The following HESX1 variants were observed in gnomAD, a reference collection of about 807,000 sequenced individuals.
HESX1 encodes HESX homeobox 1, also known as homeobox expressed in ES cells 1.
A neutral mutation model predicts 22.5 loss-of-function variants in HESX1; 11 were observed. That is an observed-to-expected ratio of 0.49 (90% CI 0.31 to 0.81). HESX1 has a LOEUF of 0.81. Among genes scored for constraint, HESX1 ranks in the 30% least tolerant of loss-of-function variants. The probability of loss-of-function intolerance (pLI) is 0.05; values close to 1 mark genes in which losing one functional copy is unlikely to be tolerated. For missense variants in HESX1, 201 were observed against 212.6 expected (o/e 0.95, Z 0.34); for synonymous variants, 74 against 76.5 (o/e 0.97, Z 0.17).
In HESX1 at chr3:57,224,892, G is replaced by A. The variant is rs1242848777; in HGVS notation, c.-111+1404C>T. 2.6e-5 allele frequency among the ~76,000 whole-genome samples: 4 copies of A among 152,260 alleles called. No homozygotes were observed. The East Asian group carries it at 7.7e-4, about 29-fold the overall frequency. ...AATTATACGTGTGAAATGTCTCAAG[G>A]TATATATGTGAAACATCTCAAAGAA... On this transcript the variant is annotated intron_variant, in intron 1 of 2. Transcript: ENST00000495160.
intron 1 of HESX1, among the ~76,000 whole-genome samples, chr3:57,209,802 CTGTT>C (rs1342484708): frequency 3.9e-5 from 6 of 151,930 alleles, no homozygotes; most frequent in Admixed American, 3.9e-4. Flanking sequence ...CTAATAAATG[CTGTT>C]TATTTAGCAC....
intron 1 of HESX1, among the ~76,000 whole-genome samples, chr3:57,213,853 G>A (rs1419659720): frequency 2.0e-5 from 3 of 152,102 alleles, no homozygotes; most frequent in East Asian, 1.9e-4. Flanking sequence ...CCTAGGAGGC[G>A]GAGGTTGCAG....
At chr3:57,212,557 C>CAAAAA (rs56093005) in intron 1 of HESX1, among the ~76,000 whole-genome samples, 30,850 of 78,898 alleles carry the variant, frequency 0.39, 5,982 homozygotes, top group East Asian at 0.87. Context: ...GACTCTGTCT[C>CAAAAA]AAAAAAAAAA....
At chr3:57,226,802 C>G (rs3806622), upstream of HESX1, among the ~76,000 whole-genome samples, 71,664 of 151,882 alleles carry the variant, frequency 0.47, 17,488 homozygotes, top group East Asian at 0.85. Context: ...GAAGACACTA[C>G]TTACTTTGTT....
chr3:57,226,484 T>C (rs1026877313), exon 1 of HESX1: 3 of 152,080 alleles, frequency 2.0e-5, no homozygotes, highest in African/African-American at 7.2e-5. Flanking sequence ...TGATAAACAA[T>C]CTAAGGGGAA....
chr3:57,199,620 A>T, intron 1 of HESX1, 142 bp downstream of exon 1: 1 of 445,488 alleles, frequency 2.2e-6, no homozygotes, highest in Non-Finnish European at 3.3e-6. Context: ...ACTCTGTCTC[A>T]GAAAAAAAAA....
upstream of HESX1, among the ~76,000 whole-genome samples, chr3:57,201,838 A>G (rs1290288672): frequency 6.6e-6 from 1 of 151,504 alleles, no homozygotes; most frequent in Non-Finnish European, 1.5e-5. Context: ...GCTTAAATTG[A>G]TTTTCCTTGG....
chr3:57,220,149 A>C (rs895537677), intron 1 of HESX1, among the ~76,000 whole-genome samples: 4 of 152,192 alleles, frequency 2.6e-5, no homozygotes, highest in African/African-American at 4.8e-5. Context: ...AGATGGTTGC[A>C]GGTGTGCAGC....
At chr3:57,225,399 T>C (rs2060636088) in intron 1 of HESX1, among the ~76,000 whole-genome samples, 1 of 152,080 alleles carries the variant, frequency 6.6e-6, no homozygotes, top group African/African-American at 2.4e-5. Context: ...TCGCCCAGGC[T>C]GGAGTGCAGT....
At chr3:57,204,555 G>C (rs1264062129), upstream of HESX1, among the ~76,000 whole-genome samples, 1 of 152,162 alleles carries the variant, frequency 6.6e-6, no homozygotes, top group East Asian at 1.9e-4. Context: ...AGTTTGGATA[G>C]CAAGTTGCTA....
chr3:57,226,876 G>A (rs984824867), upstream of HESX1, among the ~76,000 whole-genome samples: 1 of 152,206 alleles, frequency 6.6e-6, no homozygotes, highest in African/African-American at 2.4e-5. Flanking sequence ...CAGGGTGACA[G>A]GTTGGGAAAG....
chr3:57,220,979 A>T (rs1179693498), intron 1 of HESX1, among the ~76,000 whole-genome samples: 1 of 151,964 alleles, frequency 6.6e-6, no homozygotes, highest in Non-Finnish European at 1.5e-5. Context: ...GGCCACTCTT[A>T]CATTAGGGGT....
intron 1 of HESX1, among the ~76,000 whole-genome samples, chr3:57,205,858 A>G (rs546007253): frequency 5.9e-5 from 9 of 152,132 alleles, no homozygotes; most frequent in South Asian, 2.1e-4. Context: ...TTTCCTCTCT[A>G]TAGGATTTTT....
At chr3:57,220,275 C>T (rs1264821061) in intron 1 of HESX1, among the ~76,000 whole-genome samples, 3 of 152,038 alleles carry the variant, frequency 2.0e-5, no homozygotes, top group Admixed American at 6.6e-5. Context: ...TTTTTTATGA[C>T]TTTTTTAAAG....
chr3:57,208,546 C>T (rs2060533228), intron 1 of HESX1, among the ~76,000 whole-genome samples: 1 of 151,856 alleles, frequency 6.6e-6, no homozygotes, highest in Non-Finnish European at 1.5e-5. Context: ...GATGAGGTTT[C>T]ACCGTATAGG....
chr3:57,199,302 G>A (rs546590064), intron 1 of HESX1, among the ~76,000 whole-genome samples: 1 of 152,224 alleles, frequency 6.6e-6, no homozygotes, highest in African/African-American at 2.4e-5. Context: ...ATTTCCCATA[G>A]GACTCAGTTG....
In HESX1 at chr3:57,197,845, C is replaced by T. The variant is rs1424191804; in HGVS notation, c.*352G>A. On this transcript the variant is annotated 3_prime_UTR_variant, in exon 4 of 4. Transcript: ENST00000295934. The stretch of plus-strand genomic sequence containing the variant: ...AATGAAAACAACTCACACTTTTGTT[C>T]TTCAGATTATTTTACTTGAAATACT... The T allele has an allele frequency of 5.9e-6, 1 of 168,660 alleles. No individual in the cohort carries two copies. The highest frequency in any genetic ancestry group is 2.4e-5 in the African/African-American group (1 of 41,754). 10.4% of individuals were successfully genotyped at this position (168,660 alleles called of 1,614,324 possible).
chr3:57,200,026 G>T (rs1379356027), upstream of HESX1: 1 of 962,678 alleles, frequency 1.0e-6, no homozygotes, highest in Admixed American at 1.8e-5. Context: ...GCTGACAAGG[G>T]GGCTGGATTT....
intron 1 of HESX1, among the ~76,000 whole-genome samples, chr3:57,206,055 G>C (rs918601645): frequency 6.6e-6 from 1 of 152,166 alleles, no homozygotes; most frequent in South Asian, 2.1e-4. Context: ...GCTGGGTGTG[G>C]TGGCACGTGC....
Sources: gnomAD v4.1 joint callset for allele counts (sites outside exome capture counted in the v4.1 genomes callset) on GRCh38, gnomAD v4.1.1 for gene constraint, MANE v1.5 for transcripts, NCBI Gene and HGNC (gene_info 2026-07-23, HGNC 2026-07-21) for gene names.